Variants in HLA-DQB1 observed in about 807,000 individuals in gnomAD.
The protein encoded by HLA-DQB1 is major histocompatibility complex, class II, DQ beta 1.
Under a neutral mutation model 26.4 loss-of-function variants are expected in HLA-DQB1, and 13 were observed. The ratio of observed to expected loss-of-function variants is 0.49; its 90% CI spans 0.32 to 0.78. The LOEUF is 0.78. Ranked by LOEUF, HLA-DQB1 falls within the 30% of genes least tolerant of loss-of-function variation. The pLI is 0.03. For missense variants in HLA-DQB1, 158 were observed against 326.2 expected, an observed-to-expected ratio of 0.48 and a Z score of 3.97; for synonymous variants, 60 against 129.1, an observed-to-expected ratio of 0.46 and a Z score of 3.63.
rs780417441 is a variant in HLA-DQB1, at chr6:32,662,173, G to A, written c.455C>T (p.Thr152Ile). 1.9e-5 allele frequency: 27 copies of A among 1,413,996 alleles called. 5 individuals are homozygous for A. The highest frequency in any genetic ancestry group is 2.6e-5 in the Non-Finnish European group (27 of 1,032,460). The allele number at this position is 1,413,996 out of a possible 1,614,324, so 87.6% of individuals were successfully genotyped here. Residue 152 changes from threonine (T) to isoleucine (I), a missense_variant, in exon 3 of 5, where the codon ACA becomes ATA. By Grantham distance (89) the Thr-to-Ile change is moderately conservative. Coordinates refer to ENST00000434651, the Ensembl canonical transcript of HLA-DQB1. ...TTTGATCTGGCCTGGATAGAAATCT[G>A]TCACCGAGCAGACCAGCAGGTTGTG...
chr6:32,665,476 A>G (rs28746815), intron 1 of HLA-DQB1, among the ~76,000 whole-genome samples: 1,489 of 100,116 alleles, frequency 0.015, 63 homozygotes, highest in Middle Eastern at 0.041. Flanking sequence ...ATGACGAGAT[A>G]GGTCCAGGAA....
In HLA-DQB1 at chr6:32,661,681, A is replaced by G. The variant is rs1304621142; in HGVS notation, c.662-224T>C. The stretch of plus-strand genomic sequence containing the variant: ...ATCTCTGCTCTTCAAGAACTCATCC[A>G]TAACCTTAGACCCTAAGATCCCAGT... On this transcript the variant is annotated intron_variant, in intron 3 of 4. Coordinates refer to ENST00000434651, the Ensembl canonical transcript of HLA-DQB1. 5 of 429,144 alleles carry G rather than the reference A, an allele frequency of 1.2e-5. 1 individual carries two copies. Among genetic ancestry groups the G allele is most frequent in the Non-Finnish European group, 2.0e-5 (5 of 248,026 alleles). 26.6% of individuals were successfully genotyped at this position (429,144 alleles called of 1,614,324 possible).
At chr6:32,666,053 G>C (rs9274485) in intron 1 of HLA-DQB1, among the ~76,000 whole-genome samples, 64,132 of 93,394 alleles carry the variant, frequency 0.69, 23,165 homozygotes, top group East Asian at 0.89. Flanking sequence ...GTCAGGAATA[G>C]AGACAAATTT....
intron 4 of HLA-DQB1, chr6:32,660,875 T>C (rs1782914689): frequency 1.3e-6 from 2 of 1,518,098 alleles, no homozygotes; most frequent in Non-Finnish European, 1.8e-6. Flanking sequence ...GTGGAGGCCC[T>C]TGAGGTCTTA....
At chr6:32,660,871 G>A (rs1485665659) in intron 4 of HLA-DQB1, 17 of 1,516,406 alleles carry the variant, frequency 1.1e-5, no homozygotes, top group Non-Finnish European at 1.5e-5. Context: ...GCTGGTGGAG[G>A]CCCTTGAGGT....
At chr6:32,661,530 G>A in intron 3 of HLA-DQB1, 73 bp from the exon 4 acceptor site, 2 of 943,784 alleles carry the variant, frequency 2.1e-6, no homozygotes, top group Non-Finnish European at 3.0e-6. Flanking sequence ...TTGAAGTCCA[G>A]TCTGAGGTGC....
At chr6:32,660,516 G>T in intron 4 of HLA-DQB1, 2 of 354,404 alleles carry the variant, frequency 5.6e-6, no homozygotes, top group Admixed American at 5.0e-5. Context: ...GAAATTGGAT[G>T]ATATCTCTTC....
At chr6:32,661,241 C>CCTCCAGCTCAGTT (rs28986210) in intron 4 of HLA-DQB1, 106 bp downstream of exon 4, 6,548 of 479,174 alleles carry the variant, frequency 0.014, 256 homozygotes, top group East Asian at 0.048. Context: ...TCTCCTCGCA[C>CCTCCAGCTCAGTT]TTCTTCTCAG....
chr6:32,660,759 T>A lies in HLA-DQB1; in HGVS notation c.773-510A>T, dbSNP rs78621519. On this transcript the variant is annotated intron_variant, in intron 4 of 4. Transcript: ENST00000434651. ...AAGTCTTGATCCTCATAGCAGCAAA[T>A]AGGCCATGAACATGGACCACTGTGG... The A allele has an allele frequency of 9.3e-6, 6 of 644,316 alleles. 2 individuals carry two copies. Among genetic ancestry groups the A allele is most frequent in the Non-Finnish European group, 1.6e-5 (6 of 380,006 alleles). The allele number at this position is 644,316 out of a possible 1,614,324, so 39.9% of individuals were successfully genotyped here.
chr6:32,661,288 C>A lies in HLA-DQB1; in HGVS notation c.772+59G>T, dbSNP rs281864309. 382 of 965,848 alleles carry A rather than the reference C, an allele frequency of 4.0e-4. 15 individuals carry two copies. Among genetic ancestry groups the A allele is most frequent in the Admixed American group, 3.2e-3 (137 of 43,326 alleles). The allele number at this position is 965,848 out of a possible 1,614,324, so 59.8% of individuals were successfully genotyped here. On this transcript the variant is annotated intron_variant, in intron 4 of 4. Transcript: ENST00000434651. ...AAGAGCTAATCTACAGACAGGACCA[C>A]TCTGAACAGAGGGTCTGGGTCACAG...
chr6:32,665,090 C>T lies in HLA-DQB1; in HGVS notation c.110-23G>A, dbSNP rs281862030. 2.5e-6 allele frequency: 3 copies of T among 1,208,990 alleles called. 1 individual carries two copies. Among genetic ancestry groups the T allele is most frequent in the East Asian group, 5.3e-5 (2 of 37,534 alleles). 74.9% of individuals were successfully genotyped at this position (1,208,990 alleles called of 1,614,324 possible). ...CCTCTGCGGGGAATCACCGGCCGGTCAGTCAGGCCCCAGCCCGGCCGCCCC... is the reference window on the plus strand; with the variant it reads ...CCTCTGCGGGGAATCACCGGCCGGTTAGTCAGGCCCCAGCCCGGCCGCCCC... On this transcript the variant is annotated intron_variant, in intron 1 of 4. Transcript: ENST00000434651.
At position 32,664,232 on chromosome 6, in the gene HLA-DQB1, T is replaced by C. The variant is rs281862524; in HGVS notation, c.379+566A>G. On this transcript the variant is annotated intron_variant, in intron 2 of 4. Transcript: ENST00000434651. ...TCGCCTCAAAGATCTCCGCCATTAGTGGTAGCCATTTAAGAAAACAGAATT... is the reference window on the plus strand; with the variant it reads ...TCGCCTCAAAGATCTCCGCCATTAGCGGTAGCCATTTAAGAAAACAGAATT... The C allele has an allele frequency of 2.0e-5, 2 of 98,204 alleles. 1 individual carries two copies. The highest frequency in any genetic ancestry group is 7.1e-5 in the African/African-American group (2 of 28,066). The allele number at this position is 98,204 out of a possible 1,614,324, so 6.1% of individuals were successfully genotyped here. A position where few individuals can be genotyped will look rare whatever the true frequency, so the allele number is the denominator to read the frequency against.
exon 5 of HLA-DQB1, chr6:32,660,153 A>T: frequency 1.5e-6 from 1 of 653,502 alleles, no homozygotes. Flanking sequence ...ACAAGCTGAC[A>T]CAGGCAGCTG....
At position 32,666,523 on chromosome 6, in the gene HLA-DQB1, GTA is replaced by G. The variant is rs766371114; in HGVS notation, c.83_84del (p.Leu28ProfsTer3). On this transcript the variant is annotated frameshift_variant, in exon 1 of 5. Transcript: ENST00000434651. LOFTEE classifies it high-confidence loss of function. ...CCGGGAGAGTCTCTGCCCTCAGCCA[GTA>G]GGGAGCTCAGCATCGCCAGCATCAA... The G allele has an allele frequency of 0.11, 118,146 of 1,031,974 alleles. 16,411 individuals carry two copies. The highest frequency in any genetic ancestry group is 0.37 in the East Asian group (12,536 of 34,306). The allele number at this position is 1,031,974 out of a possible 1,614,324, so 63.9% of individuals were successfully genotyped here.
chr6:32,665,689 A>C (rs9274463), intron 1 of HLA-DQB1, among the ~76,000 whole-genome samples: 36,207 of 108,366 alleles, frequency 0.33, 8,765 homozygotes, highest in Middle Eastern at 0.48. Context: ...ACTAGATTCC[A>C]ATTAAACTGT....
intron 2 of HLA-DQB1, chr6:32,662,624 C>T (rs9274176): frequency 0.27 from 15,770 of 58,626 alleles, 3,163 homozygotes; most frequent in Middle Eastern, 0.37. Flanking sequence ...TGTTTGTCCA[C>T]AACTCAATTC....
intron 1 of HLA-DQB1, among the ~76,000 whole-genome samples, chr6:32,665,742 A>G (rs35915063): frequency 0.054 from 5,225 of 97,654 alleles, 247 homozygotes; most frequent in Middle Eastern, 0.12. Flanking sequence ...GAATATCCAT[A>G]TCACAAGTAT....
At chr6:32,662,731 C>T (rs9274184) in intron 2 of HLA-DQB1, 71,012 of 93,918 alleles carry the variant, frequency 0.76, 28,982 homozygotes, top group East Asian at 0.92. Flanking sequence ...GCCACTTTAT[C>T]ACATTTCCTT....
chr6:32,660,836 C>A (rs281864390), intron 4 of HLA-DQB1: 2 of 1,394,014 alleles, frequency 1.4e-6, no homozygotes, highest in Non-Finnish European at 2.0e-6. Context: ...CCTCCCCACA[C>A]TGGATCATGG....
Sources: allele counts gnomAD v4.1 joint callset (sites outside exome capture counted in the v4.1 genomes callset), GRCh38; gene constraint gnomAD v4.1.1; transcripts MANE v1.5; gene names NCBI Gene and HGNC (gene_info 2026-07-23, HGNC 2026-07-21).